EXTL3: variants seen among roughly 807,000 people sequenced by gnomAD.
The protein encoded by EXTL3 is exostosin-like 3.
EXTL3 carries 27 observed loss-of-function variants against 69.3 expected under a neutral mutation model. The ratio of observed to expected loss-of-function variants is 0.39; its 90% CI spans 0.29 to 0.54. EXTL3 has a LOEUF of 0.54. Ranked by LOEUF, EXTL3 falls within the 20% of genes least tolerant of loss-of-function variation. The pLI is 0.69. For missense variants in EXTL3, 1,003 were observed against 1,231.8 expected, an observed-to-expected ratio of 0.81 and a Z score of 2.78; for synonymous variants, 511 against 499.4, an observed-to-expected ratio of 1.02 and a Z score of -0.31.
At chr8:28,706,848 T>C (rs986633251) in intron 1 of EXTL3, among the ~76,000 whole-genome samples, 3 of 152,184 alleles carry the variant, frequency 2.0e-5, no homozygotes, top group Non-Finnish European at 4.4e-5. Flanking sequence ...CTTTTTTTTT[T>C]TCCTTCTGAA....
chr8:28,642,841 AT>A (rs1806765819), intron 1 of EXTL3, among the ~76,000 whole-genome samples: 1 of 147,506 alleles, frequency 6.8e-6, no homozygotes, highest in Non-Finnish European at 1.5e-5. Context: ...AGTTATAGAC[AT>A]TTTAATTTTA....
At chr8:28,632,656 C>T (rs111738906) in intron 1 of EXTL3, among the ~76,000 whole-genome samples, 3,710 of 149,356 alleles carry the variant, frequency 0.025, 150 homozygotes, top group African/African-American at 0.087. Flanking sequence ...TGGGTTGAAG[C>T]GATTCTCCTG....
At chr8:28,625,898 C>T (rs546184494) in intron 1 of EXTL3, among the ~76,000 whole-genome samples, 84 of 149,382 alleles carry the variant, frequency 5.6e-4, no homozygotes, top group Non-Finnish European at 1.1e-3. Flanking sequence ...CGGTGGCTCA[C>T]GCCTATAATC....
At chr8:28,689,390 T>C (rs541465085) in intron 1 of EXTL3, among the ~76,000 whole-genome samples, 1 of 152,322 alleles carries the variant, frequency 6.6e-6, no homozygotes, top group East Asian at 1.9e-4. Flanking sequence ...TCTCTTCTTA[T>C]CCACCTCCAT....
chr8:28,723,270 C>G (rs943042597), intron 3 of EXTL3, among the ~76,000 whole-genome samples: 4 of 152,144 alleles, frequency 2.6e-5, no homozygotes, highest in Admixed American at 6.5e-5. Context: ...GTGCACTTCA[C>G]TAGGAGCTGG....
At chr8:28,652,802 G>A (rs1319214728) in intron 1 of EXTL3, among the ~76,000 whole-genome samples, 2 of 151,900 alleles carry the variant, frequency 1.3e-5, no homozygotes, top group Admixed American at 6.6e-5. Flanking sequence ...TTGGTCATTT[G>A]TATATCTTCT....
At chr8:28,620,111 G>GATCTGATCTCTTGACCTCGTC, upstream of EXTL3, among the ~76,000 whole-genome samples, 1 of 151,712 alleles carries the variant, frequency 6.6e-6, no homozygotes, top group African/African-American at 2.4e-5. Flanking sequence ...TTGACCTAGT[G>GATCTGATCTCTTGACCTCGTC]ATCTGCCCGC....
chr8:28,693,685 C>A (rs1363086300), intron 1 of EXTL3, among the ~76,000 whole-genome samples: 2 of 152,156 alleles, frequency 1.3e-5, no homozygotes, highest in African/African-American at 4.8e-5. Flanking sequence ...AAAAACCAGC[C>A]ACTTTTAAAA....
Position 28,737,781 on chromosome 8 carries a change from A to C in EXTL3, c.2421+118A>C. On this transcript the variant is annotated intron_variant, in intron 5 of 6. Transcript: ENST00000220562. ...GCTTCTTACATGTTTCTTTTGTGCT[A>C]GAAGTCAGTTTTTTCTATTTTTACA... 9 of 1,194,096 alleles carry C rather than the reference A, an allele frequency of 7.5e-6. No homozygotes were observed. The South Asian group carries it at 1.1e-4, about 15-fold the overall frequency. The allele number at this position is 1,194,096 out of a possible 1,614,324, so 74.0% of individuals were successfully genotyped here. A position where few individuals can be genotyped will look rare whatever the true frequency, so the allele number is the denominator to read the frequency against.
chr8:28,724,040 GAT>G (rs2130756091), intron 3 of EXTL3, among the ~76,000 whole-genome samples: 1 of 150,778 alleles, frequency 6.6e-6, no homozygotes, highest in South Asian at 2.1e-4. Flanking sequence ...TTTAAATAAA[GAT>G]ATGTATAAAA....
chr8:28,721,192 A>G (rs1322846446), intron 3 of EXTL3, among the ~76,000 whole-genome samples: 1 of 152,152 alleles, frequency 6.6e-6, no homozygotes, highest in Non-Finnish European at 1.5e-5. Context: ...GGTTAGCTGT[A>G]TTGACTCAGA....
chr8:28,621,422 C>T (rs1446150278), upstream of EXTL3, among the ~76,000 whole-genome samples: 2 of 152,208 alleles, frequency 1.3e-5, no homozygotes, highest in South Asian at 2.1e-4. Context: ...ACACTGCCCA[C>T]ACCTTGAACA....
At chr8:28,630,705 G>A (rs1313968818) in intron 1 of EXTL3, among the ~76,000 whole-genome samples, 3 of 152,244 alleles carry the variant, frequency 2.0e-5, no homozygotes, top group African/African-American at 7.2e-5. Flanking sequence ...GCAATACTGT[G>A]TTAGGAGCAG....
chr8:28,738,127 C>T (rs973252666), intron 5 of EXTL3, among the ~76,000 whole-genome samples: 1 of 152,206 alleles, frequency 6.6e-6, no homozygotes, highest in Admixed American at 6.5e-5. Flanking sequence ...TTATTACTTT[C>T]ACTGTGCCTC....
intron 1 of EXTL3, among the ~76,000 whole-genome samples, chr8:28,675,484 C>G (rs867047727): frequency 2.0e-5 from 3 of 152,180 alleles, no homozygotes; most frequent in African/African-American, 7.2e-5. Flanking sequence ...GCTCGGTCCT[C>G]TCTTGCAGTA....
Position 28,755,020 on chromosome 8 carries a change from G to GC in EXTL3, c.*4155dup, listed in dbSNP as rs1160093562. On this transcript the variant is annotated 3_prime_UTR_variant, in exon 7 of 7. Transcript: ENST00000220562. ...GGGCTGCCCATCACACTGGTGGAGA[G>GC]CAAGTTATCTATTACTATTTTAGGC... The GC allele has an allele frequency of 2.0e-5, 3 of 152,252 alleles. No individual in the cohort carries two copies. Among genetic ancestry groups the GC allele is most frequent in the African/African-American group, 7.2e-5 (3 of 41,462 alleles). 9.4% of individuals were successfully genotyped at this position (152,252 alleles called of 1,614,324 possible). A position where few individuals can be genotyped will look rare whatever the true frequency, so the allele number is the denominator to read the frequency against.
upstream of EXTL3, among the ~76,000 whole-genome samples, chr8:28,619,845 C>CTTTTTTTT (rs56276866): frequency 2.0e-5 from 1 of 50,852 alleles, no homozygotes; most frequent in Non-Finnish European, 3.8e-5. Flanking sequence ...GCTTCTGGTT[C>CTTTTTTTT]TTTTTTTTTT....
chr8:28,621,244 G>A (rs1184339789), upstream of EXTL3, among the ~76,000 whole-genome samples: 1 of 152,200 alleles, frequency 6.6e-6, no homozygotes, highest in Non-Finnish European at 1.5e-5. Flanking sequence ...ATGAGGGCAT[G>A]CTGGAGTAGG....
chr8:28,620,415 CA>C (rs1806395510), upstream of EXTL3, among the ~76,000 whole-genome samples: 1 of 152,202 alleles, frequency 6.6e-6, no homozygotes, highest in Non-Finnish European at 1.5e-5. Context: ...AGTTCTTCAG[CA>C]GGATGGATTG....
Sources: allele counts gnomAD v4.1 joint callset (sites outside exome capture counted in the v4.1 genomes callset), GRCh38; gene constraint gnomAD v4.1.1; transcripts MANE v1.5; gene names NCBI Gene and HGNC (gene_info 2026-07-23, HGNC 2026-07-21).